Variants in TFAP2A observed in about 807,000 individuals in gnomAD.
The protein encoded by TFAP2A is transcription factor AP-2 alpha.
In TFAP2A, 7 loss-of-function variants were observed where a neutral mutation model predicts 41.5. That is an observed-to-expected ratio of 0.17 (90% CI 0.10 to 0.32). TFAP2A has a LOEUF of 0.32. TFAP2A is among the 10% of genes least tolerant of loss of function. The probability of loss-of-function intolerance (pLI) is 1.00; values close to 1 mark genes in which losing one functional copy is unlikely to be tolerated. For missense variants in TFAP2A, 416 were observed against 563.3 expected, an observed-to-expected ratio of 0.74 and a Z score of 2.65; for synonymous variants, 247 against 242.8, an observed-to-expected ratio of 1.02 and a Z score of -0.16.
chr6:10,404,443 C>T (rs967413071), intron 4 of TFAP2A, 65 bp downstream of exon 4: 69 of 1,242,064 alleles, frequency 5.6e-5, no homozygotes, highest in Non-Finnish European at 7.0e-5. Context: ...CGCCACCGCC[C>T]CGGCGCAAGC....
chr6:10,398,615 G>A lies in TFAP2A; in HGVS notation c.1122C>T (p.Ile374=). Residue 374 remains isoleucine (I), a synonymous_variant, in exon 7 of 7, where the codon ATC becomes ATT. Transcript: ENST00000379613. This position sits in a 1 kb window ranked among gnomAD's most constrained non-coding sequence, Gnocchi z 5.3. ...GGTTGAAGTGGGTCAAGCAGCTCTG[G>A]ATGCCGGGCTCCAGGATGGGGTTGG... is the stretch of plus-strand genomic sequence containing the variant. ...SRPNPILEPG[I]QSCLTHFNLI... is the part of the protein sequence containing the mutation. 3 of 1,614,246 alleles carry A rather than the reference G, an allele frequency of 1.9e-6. No individual in the cohort carries two copies. Among genetic ancestry groups the A allele is most frequent in the South Asian group, 2.2e-5 (2 of 91,088 alleles).
intron 1 of TFAP2A, chr6:10,412,616 G>A: frequency 3.9e-6 from 1 of 257,168 alleles, no homozygotes; most frequent in Non-Finnish European, 8.1e-6. Flanking sequence ...GGATGCAGCG[G>A]GGGTCGTGCG....
rs550292743 is a variant in TFAP2A, at chr6:10,407,329, AAC to A, written c.487-487_487-486del. The A allele has an allele frequency of 2.6e-4, 43 of 165,366 alleles. No homozygotes were observed. In the South Asian group the frequency reaches 6.9e-3, roughly 26 times the overall value. 10.2% of individuals were successfully genotyped at this position (165,366 alleles called of 1,614,324 possible). A position where few individuals can be genotyped will look rare whatever the true frequency, so the allele number is the denominator to read the frequency against. ...GGTTTAGGTAGTATAATAAAGAGCA[AAC>A]ACACACACCTTTATGGAAAACTCCA... On this transcript the variant is annotated intron_variant, in intron 2 of 6. Coordinates refer to ENST00000379613, the MANE Select transcript of TFAP2A (RefSeq NM_001372066.1).
In TFAP2A at chr6:10,404,540, G is replaced by C. The variant is rs1290180108; in HGVS notation, c.738C>G (p.Leu246=). ...VQRRLSPPEC[L]NASLLGGVLR... ...GCACTCCGCCCAGCAGCGACGCGTT[G>C]AGACACTCGGGTGGTGAGAGCCGCC... Residue 246 remains leucine, a synonymous_variant, in exon 4 of 7, where the codon CTC becomes CTG. Transcript: ENST00000379613. 1 of 1,613,218 alleles carries C rather than the reference G, an allele frequency of 6.2e-7. No homozygotes were observed. The highest frequency in any genetic ancestry group is 1.1e-5 in the South Asian group (1 of 90,992).
chr6:10,411,824 G>C lies in TFAP2A; in HGVS notation c.52-1489C>G, dbSNP rs1442724847. 5 of 1,429,916 alleles carry C rather than the reference G, an allele frequency of 3.5e-6. No individual in the cohort carries two copies. In the East Asian group the frequency reaches 1.0e-4, roughly 30 times the overall value. The allele number at this position is 1,429,916 out of a possible 1,614,324, so 88.6% of individuals were successfully genotyped here. On this transcript the variant is annotated intron_variant, in intron 1 of 6. Coordinates refer to ENST00000379613, the MANE Select transcript of TFAP2A (RefSeq NM_001372066.1). ...GGCGCCTTCAGCTGGTCGAACCCACGGTCTCTATCCTGCCGCGACTGGTTA... is the reference window on the plus strand; with the variant it reads ...GGCGCCTTCAGCTGGTCGAACCCACCGTCTCTATCCTGCCGCGACTGGTTA...
upstream of TFAP2A, among the ~76,000 whole-genome samples, chr6:10,417,740 A>G (rs1463394583): frequency 6.6e-6 from 1 of 152,168 alleles, no homozygotes; most frequent in African/African-American, 2.4e-5. Flanking sequence ...CCAGCCCATC[A>G]GATTCGGCCC....
intron 3 of TFAP2A, 67 bp from the exon 4 acceptor site, chr6:10,404,806 G>A: frequency 6.9e-7 from 1 of 1,450,534 alleles, no homozygotes; most frequent in East Asian, 2.3e-5. Context: ...GCCCGACCCC[G>A]GCCCTCATCC....
Position 10,402,561 on chromosome 6 carries a change from T to C in TFAP2A, c.820A>G (p.Ile274Val), listed in dbSNP as rs1762050441. ...CTCCCTGCAGGCAGATTTAATCCTA[T>C]TTTGTCCAGTTTTTCTCTTAAAGAT... ...GRSLREKLDK[I>V]GLNLPAGRRK... is the part of the protein sequence containing the mutation. The change falls in exon 5 of 7, where the codon ATA (isoleucine) becomes GTA (valine). Residue 274 changes from isoleucine to valine, a missense_variant. Physicochemically the swap from Ile to Val is conservative, Grantham distance 29 (BLOSUM62 3). Around this residue, in one of 3 missense-constraint regions of TFAP2A, gnomAD observed 59 missense variants for 135.4 expected, o/e 0.44. Coordinates refer to ENST00000379613, the MANE Select transcript of TFAP2A (RefSeq NM_001372066.1). The C allele has an allele frequency of 1.2e-6, 2 of 1,614,156 alleles. No homozygotes were observed. Among genetic ancestry groups the C allele is most frequent in the Non-Finnish European group, 8.5e-7 (1 of 1,180,012 alleles).
upstream of TFAP2A, chr6:10,416,202 C>G (rs950211462): frequency 6.6e-6 from 1 of 152,212 alleles, no homozygotes; most frequent in African/African-American, 2.4e-5. Flanking sequence ...CTAGTTTTCC[C>G]AAGATTCCCC....
upstream of TFAP2A, chr6:10,419,354 T>G: frequency 3.9e-6 from 6 of 1,523,722 alleles, no homozygotes; most frequent in Admixed American, 1.7e-5. Flanking sequence ...TCCTCCCCGC[T>G]CCGGCCCCCT....
chr6:10,411,511 C>T, intron 1 of TFAP2A: 1 of 1,613,232 alleles, frequency 6.2e-7, no homozygotes, highest in Non-Finnish European at 8.5e-7. Context: ...CTCCACGGCA[C>T]CAGGTTTCCA....
intron 3 of TFAP2A, 180 bp from the exon 4 acceptor site, chr6:10,404,919 T>G: frequency 1.6e-6 from 1 of 632,416 alleles, no homozygotes; most frequent in Non-Finnish European, 2.7e-6. Context: ...CTCGAGCCCT[T>G]CCCTACCTCA....
At chr6:10,412,286 T>G (rs943630587) in intron 1 of TFAP2A, 2 of 984,990 alleles carry the variant, frequency 2.0e-6, no homozygotes, top group Non-Finnish European at 2.4e-6. Context: ...TTTTAAAAGG[T>G]TGCAGGGCAT....
chr6:10,411,202 G>A (rs994632529), intron 1 of TFAP2A, among the ~76,000 whole-genome samples: 2 of 152,162 alleles, frequency 1.3e-5, no homozygotes, highest in South Asian at 4.1e-4. Context: ...CCGAGGGTAG[G>A]GGGCACACCG....
intron 1 of TFAP2A, among the ~76,000 whole-genome samples, chr6:10,413,878 A>C (rs78159900): frequency 7.2e-5 from 11 of 151,916 alleles, no homozygotes; most frequent in African/African-American, 2.7e-4. Flanking sequence ...AAAAAAAAAA[A>C]AACAGCAAAA....
At chr6:10,399,218 A>C (rs1024015109) in intron 6 of TFAP2A, among the ~76,000 whole-genome samples, 1 of 152,236 alleles carries the variant, frequency 6.6e-6, no homozygotes, top group African/African-American at 2.4e-5. Context: ...AATTCAGGTC[A>C]ATGTGGACAG....
At chr6:10,402,779 G>A (rs941940045) in intron 4 of TFAP2A, among the ~76,000 whole-genome samples, 169 bp from the exon 5 acceptor site, 1 of 152,338 alleles carries the variant, frequency 6.6e-6, no homozygotes, top group Admixed American at 6.5e-5. Context: ...GTTCATAGGA[G>A]ATAAACGCCT....
rs779853155 is a variant in TFAP2A at position 10,414,996 on chromosome 6, C to A, written c.-5G>T. ...CAATTTCCAAAGCATTTTCATGGAT[C>A]GGCGTGAACGGATATGCCCCTCTCG... On this transcript the variant is annotated 5_prime_UTR_variant, in exon 1 of 7. Transcript: ENST00000379613. The A allele has an allele frequency of 6.2e-7, 1 of 1,614,074 alleles. No homozygotes were observed.
At chr6:10,411,946 C>T (rs1436753005) in intron 1 of TFAP2A, 1 of 1,129,660 alleles carries the variant, frequency 8.9e-7, no homozygotes, top group Non-Finnish European at 1.1e-6. Flanking sequence ...TAATCCGTGT[C>T]TCCCCCTCTT....
Sources: allele counts gnomAD v4.1 joint callset (sites outside exome capture counted in the v4.1 genomes callset), GRCh38; gene constraint gnomAD v4.1.1; regional missense constraint gnomAD v4.1.1; non-coding constraint Gnocchi (gnomAD v3.1); transcripts MANE v1.5; gene names NCBI Gene and HGNC (gene_info 2026-07-23, HGNC 2026-07-21).